SLTM: variants seen among roughly 807,000 people sequenced by gnomAD.
SLTM encodes the protein SAFB like transcription modulator.
In SLTM, 43 loss-of-function variants were observed where a neutral mutation model predicts 134.6. The ratio of observed to expected loss-of-function variants is 0.32; its 90% confidence interval spans 0.25 to 0.41. The LOEUF (loss-of-function observed/expected upper bound fraction) is 0.41, where lower values mean the gene tolerates loss of function less well. Among genes scored for constraint, SLTM ranks in the 10% least tolerant of loss-of-function variants. SLTM has a pLI of 1.00. For synonymous variants in SLTM, 424 were observed against 432.3 expected, an observed-to-expected ratio of 0.98 and a Z score of 0.24; for missense variants, 1,055 against 1,288.8, an observed-to-expected ratio of 0.82 and a Z score of 2.78.
At chr15:58,893,589 T>C (rs1324309647) in intron 12 of SLTM, among the ~76,000 whole-genome samples, 1 of 152,198 alleles carries the variant, frequency 6.6e-6, no homozygotes, top group Admixed American at 6.5e-5. Context: ...TACTAATCAA[T>C]GACCATTTTA....
chr15:58,919,549 C>T (rs527893600), intron 2 of SLTM, among the ~76,000 whole-genome samples: 27 of 152,044 alleles, frequency 1.8e-4, no homozygotes, highest in Admixed American at 3.9e-4. Flanking sequence ...CTGCTTGAAC[C>T]CAGGAGGGCA....
intron 14 of SLTM, among the ~76,000 whole-genome samples, chr15:58,892,635 T>A: frequency 6.6e-6 from 1 of 152,044 alleles, no homozygotes; most frequent in East Asian, 1.9e-4. Flanking sequence ...TCATTTAGCC[T>A]CTCTGGGCCT....
intron 20 of SLTM, among the ~76,000 whole-genome samples, chr15:58,881,657 A>G (rs1387684852): frequency 6.6e-6 from 1 of 152,216 alleles, no homozygotes; most frequent in Non-Finnish European, 1.5e-5. Flanking sequence ...AATAAATGGT[A>G]TAATAAAATG....
chr15:58,915,167 G>A (rs1348186806), intron 3 of SLTM, among the ~76,000 whole-genome samples: 1 of 151,696 alleles, frequency 6.6e-6, no homozygotes, highest in Non-Finnish European at 1.5e-5. Context: ...CTCCAGCCTG[G>A]GCAACAGGGC....
chr15:58,885,186 G>A (rs1306554270), intron 19 of SLTM, among the ~76,000 whole-genome samples: 5 of 152,074 alleles, frequency 3.3e-5, no homozygotes. Context: ...CCATAACTAT[G>A]GAAAACAGAG....
In SLTM at chr15:58,900,728, C is replaced by T. The variant is rs2035425317; in HGVS notation, c.589+532G>A. 6 of 155,864 alleles carry T rather than the reference C, an allele frequency of 3.8e-5. 1 individual carries two copies. Among genetic ancestry groups the T allele is most frequent in the Admixed American group, 3.2e-4 (5 of 15,472 alleles). 9.7% of individuals were successfully genotyped at this position (155,864 alleles called of 1,614,324 possible). On this transcript the variant is annotated intron_variant, in intron 6 of 20. Transcript: ENST00000380516. ...TGTCCAAGGACTCTTCCATAACCTC[C>T]TACTGACCACATGTATTGCTACTGT...
intron 8 of SLTM, 165 bp downstream of exon 8, chr15:58,898,638 G>A: frequency 1.7e-6 from 1 of 577,630 alleles, no homozygotes; most frequent in Non-Finnish European, 3.1e-6. Context: ...TCAGTTTTCT[G>A]TAATATATAT....
chr15:58,896,317 G>A (rs2035073087), intron 9 of SLTM, among the ~76,000 whole-genome samples: 2 of 152,086 alleles, frequency 1.3e-5, no homozygotes, highest in African/African-American at 4.8e-5. Context: ...CCAGCACTTT[G>A]GGAGGCTGAG....
At chr15:58,887,736 GT>G in intron 17 of SLTM, 196 bp from the exon 18 acceptor site, 1 of 575,926 alleles carries the variant, frequency 1.7e-6, no homozygotes, top group Non-Finnish European at 2.2e-6. Context: ...CTAAAGGTTG[GT>G]TTTTTAGCAT....
chr15:58,918,714 T>C (rs1567151811), intron 2 of SLTM, among the ~76,000 whole-genome samples: 1 of 152,250 alleles, frequency 6.6e-6, no homozygotes, highest in Admixed American at 6.5e-5. Context: ...TGTAGATTAA[T>C]GCTTTGCATA....
Position 58,887,030 on chromosome 15 carries a change from T to A in SLTM, c.2780A>T (p.Tyr927Phe). The A allele has an allele frequency of 6.2e-7, 1 of 1,613,402 alleles. No individual in the cohort carries two copies. The highest frequency in any genetic ancestry group is 8.5e-7 in the Non-Finnish European group (1 of 1,180,006). Reference protein sequence around the residue: ...PPGNRSSASGYGSREGDRGVI... With the variant: ...PPGNRSSASGFGSREGDRGVI... ...TCCTCTGTCTCCCTCTCTGCTCCCG[T>A]ACCCCGAAGCGCTGCTACGATTCCC... The change falls in exon 19 of 21, where the codon TAC becomes TTC. Residue 927 changes from tyrosine (Y) to phenylalanine (F), a missense_variant. Tyr to Phe is a conservative substitution (Grantham distance 22, BLOSUM62 3). Transcript: ENST00000380516.
intron 2 of SLTM, among the ~76,000 whole-genome samples, chr15:58,924,875 G>A (rs2037349961): frequency 6.6e-6 from 1 of 152,160 alleles, no homozygotes; most frequent in South Asian, 2.1e-4. Context: ...AGGGTGGAGT[G>A]CAGGGGCAGT....
At chr15:58,901,057 T>C (rs1283936919) in intron 6 of SLTM, 1 of 544,376 alleles carries the variant, frequency 1.8e-6, no homozygotes, top group African/African-American at 1.9e-5. Flanking sequence ...ATATGTACTA[T>C]TAAGTTGCAA....
intron 4 of SLTM, 182 bp from the exon 5 acceptor site, chr15:58,912,792 G>A (rs540420555): frequency 3.8e-6 from 2 of 532,138 alleles, no homozygotes; most frequent in African/African-American, 3.8e-5. Flanking sequence ...AATTAGCCAT[G>A]TCGCTAGAGA....
intron 2 of SLTM, chr15:58,921,703 T>G (rs2037058837): frequency 3.9e-6 from 1 of 253,800 alleles, no homozygotes; most frequent in Non-Finnish European, 8.4e-6. Context: ...CTTTCATAAT[T>G]GGCAACTTTT....
At chr15:58,904,763 T>A (rs757351181) in intron 5 of SLTM, among the ~76,000 whole-genome samples, 9 of 152,106 alleles carry the variant, frequency 5.9e-5, no homozygotes, top group Admixed American at 4.6e-4. Context: ...CAGGCTGGAG[T>A]GCAGTGGTGC....
At chr15:58,893,630 TG>T (rs1170282097) in intron 12 of SLTM, among the ~76,000 whole-genome samples, 190 bp downstream of exon 12, 3 of 152,176 alleles carry the variant, frequency 2.0e-5, no homozygotes, top group African/African-American at 7.2e-5. Flanking sequence ...GGAGCTTAGC[TG>T]GAAGAATACA....
chr15:58,886,867 A>G, intron 19 of SLTM, 108 bp downstream of exon 19: 1 of 1,331,560 alleles, frequency 7.5e-7, no homozygotes, highest in Non-Finnish European at 1.0e-6. Context: ...AATCATTCCA[A>G]TCTAGCTAAT....
chr15:58,893,391 A>G, intron 12 of SLTM, 27 bp from the exon 13 acceptor site: 2 of 1,499,060 alleles, frequency 1.3e-6, no homozygotes, highest in South Asian at 2.4e-5. Flanking sequence ...ATATAAAACA[A>G]TGTCTAAAAT....
Sources: allele counts gnomAD v4.1 joint callset (sites outside exome capture counted in the v4.1 genomes callset), GRCh38; gene constraint gnomAD v4.1.1; transcripts MANE v1.5; gene names NCBI Gene and HGNC (gene_info 2026-07-23, HGNC 2026-07-21).